Variants in CDKAL1 observed in about 807,000 individuals in gnomAD.
The protein encoded by CDKAL1 is threonylcarbamoyladenosine tRNA methylthiotransferase.
Under a neutral mutation model 68.2 loss-of-function variants are expected in CDKAL1, and 32 were observed. The observed-to-expected ratio is 0.47, with a 90% CI of 0.35 to 0.63. The LOEUF (loss-of-function observed/expected upper bound fraction) is 0.63, where lower values mean the gene tolerates loss of function less well. CDKAL1 is among the 30% of genes least tolerant of loss of function. CDKAL1 has a pLI of 0.00. For missense variants in CDKAL1, 606 were observed against 696.7 expected (o/e 0.87, Z 1.47); for synonymous variants, 234 against 244.3 (o/e 0.96, Z 0.39).
At chr6:21,202,005 CTG>C (rs1778710713) in intron 15 of CDKAL1, among the ~76,000 whole-genome samples, 2 of 151,522 alleles carry the variant, frequency 1.3e-5, no homozygotes, top group Non-Finnish European at 2.9e-5. Flanking sequence ...AAAAAAATAA[CTG>C]ATATTTATCT....
At chr6:20,753,390 A>G (rs975204480) in intron 6 of CDKAL1, among the ~76,000 whole-genome samples, 5 of 152,180 alleles carry the variant, frequency 3.3e-5, no homozygotes, top group African/African-American at 1.2e-4. Context: ...TGGTCTCTTT[A>G]GATTATAATA....
At chr6:20,969,124 G>A (rs952406114) in intron 10 of CDKAL1, among the ~76,000 whole-genome samples, 7 of 152,022 alleles carry the variant, frequency 4.6e-5, no homozygotes, top group African/African-American at 1.7e-4. Flanking sequence ...TCAGACCTTT[G>A]AACAATGCAC....
intron 8 of CDKAL1, among the ~76,000 whole-genome samples, chr6:20,807,933 C>G (rs747149515): frequency 2.0e-5 from 3 of 152,182 alleles, no homozygotes; most frequent in African/African-American, 4.8e-5. Context: ...CACACCTAAT[C>G]TTCATTGGGA....
chr6:20,639,483 G>A (rs1004664139), intron 4 of CDKAL1, among the ~76,000 whole-genome samples: 17 of 151,684 alleles, frequency 1.1e-4, no homozygotes, highest in African/African-American at 2.7e-4. Context: ...TTTTCTGCTC[G>A]TTCTCCCAGC....
intron 15 of CDKAL1, among the ~76,000 whole-genome samples, chr6:21,205,109 T>C (rs1778850475): frequency 6.6e-6 from 1 of 152,236 alleles, no homozygotes; most frequent in Non-Finnish European, 1.5e-5. Context: ...GGTTCATCCA[T>C]GTTGTAGCAC....
chr6:20,744,208 G>T (rs1363999616), intron 6 of CDKAL1, among the ~76,000 whole-genome samples: 1 of 152,120 alleles, frequency 6.6e-6, no homozygotes, highest in Non-Finnish European at 1.5e-5. Flanking sequence ...GAATGTTTCT[G>T]TTTTTCTTTT....
intron 8 of CDKAL1, among the ~76,000 whole-genome samples, chr6:20,831,855 C>A (rs1024000216): frequency 6.6e-6 from 1 of 152,122 alleles, no homozygotes. Context: ...GCTGAATGAA[C>A]GTAGAATGGT....
At chr6:21,175,963 C>G (rs1300773309) in intron 13 of CDKAL1, among the ~76,000 whole-genome samples, 1 of 152,218 alleles carries the variant, frequency 6.6e-6, no homozygotes, top group African/African-American at 2.4e-5. Context: ...GAGCCAGACT[C>G]CAGGGTTTGA....
chr6:21,028,122 G>C (rs1274823864), intron 11 of CDKAL1, among the ~76,000 whole-genome samples: 1 of 152,202 alleles, frequency 6.6e-6, no homozygotes, highest in African/African-American at 2.4e-5. Flanking sequence ...TGGAGTCACA[G>C]TGATGAATGG....
At position 21,004,498 on chromosome 6, in the gene CDKAL1, A is replaced by G. The variant is rs188106349; in HGVS notation, c.1055+4126A>G. Among the ~76,000 whole-genome samples the G allele has an allele frequency of 3.7e-4, 57 of 152,378 alleles. 1 individual carries two copies. The highest frequency in any genetic ancestry group is 3.2e-3 in the Admixed American group (49 of 15,308). On this transcript the variant is annotated intron_variant, in intron 11 of 15. Coordinates refer to ENST00000274695, the MANE Select transcript of CDKAL1 (RefSeq NM_017774.3). Reference sequence around the variant, plus strand: ...AAAACAGCTGGCCATGAGCAATCATATGACTTAAATTATTCTATTCAGATT... The same window carrying G: ...AAAACAGCTGGCCATGAGCAATCATGTGACTTAAATTATTCTATTCAGATT...
intron 8 of CDKAL1, among the ~76,000 whole-genome samples, chr6:20,787,029 A>T (rs1246096950): frequency 1.3e-5 from 2 of 152,174 alleles, no homozygotes; most frequent in African/African-American, 4.8e-5. Flanking sequence ...TATCATTTTT[A>T]AGATACTCCT....
At chr6:21,171,282 A>G (rs1777373701) in intron 13 of CDKAL1, among the ~76,000 whole-genome samples, 2 of 152,158 alleles carry the variant, frequency 1.3e-5, no homozygotes, top group East Asian at 3.9e-4. Context: ...GTACGATCTC[A>G]GCTCACTGCA....
At chr6:20,982,227 C>T (rs1032493934) in intron 10 of CDKAL1, among the ~76,000 whole-genome samples, 2 of 152,026 alleles carry the variant, frequency 1.3e-5, no homozygotes, top group South Asian at 2.1e-4. Context: ...CCTGGCTTAT[C>T]TTAGTATTAT....
At chr6:20,549,982 T>G (rs1763752894) in intron 4 of CDKAL1, among the ~76,000 whole-genome samples, 1 of 146,108 alleles carries the variant, frequency 6.8e-6, no homozygotes, top group African/African-American at 2.6e-5. Flanking sequence ...ATTAATTAAT[T>G]AAATTTTTTT....
intron 11 of CDKAL1, among the ~76,000 whole-genome samples, chr6:21,020,843 T>G (rs775904705): frequency 6.7e-6 from 1 of 150,150 alleles, no homozygotes; most frequent in Non-Finnish European, 1.5e-5. Flanking sequence ...ACTCCTGGGC[T>G]CAAGCGATCC....
At chr6:20,684,327 A>G (rs1770520550) in intron 5 of CDKAL1, among the ~76,000 whole-genome samples, 1 of 152,216 alleles carries the variant, frequency 6.6e-6, no homozygotes, top group African/African-American at 2.4e-5. Flanking sequence ...CTGTATTCCC[A>G]GCTACTTAGG....
chr6:21,156,016 G>A (rs1776622624), intron 13 of CDKAL1, among the ~76,000 whole-genome samples: 2 of 152,178 alleles, frequency 1.3e-5, no homozygotes, highest in Non-Finnish European at 2.9e-5. Context: ...AGAATATTTA[G>A]TGATAGGGAG....
At chr6:20,847,798 C>T (rs1486199721) in intron 9 of CDKAL1, among the ~76,000 whole-genome samples, 1 of 152,082 alleles carries the variant, frequency 6.6e-6, no homozygotes, top group Non-Finnish European at 1.5e-5. Context: ...AGGTTCTTTG[C>T]GTTTTAAACA....
intron 13 of CDKAL1, among the ~76,000 whole-genome samples, chr6:21,158,532 A>G (rs1445816030): frequency 6.6e-6 from 1 of 152,142 alleles, no homozygotes; most frequent in East Asian, 1.9e-4. Context: ...GCACTGGTTA[A>G]CCTCCTTGCT....
Sources: allele counts gnomAD v4.1 joint callset (sites outside exome capture counted in the v4.1 genomes callset), GRCh38; gene constraint gnomAD v4.1.1; transcripts MANE v1.5; gene names NCBI Gene and HGNC (gene_info 2026-07-23, HGNC 2026-07-21).